Variants in OGFOD3 observed in about 807,000 individuals in gnomAD.
OGFOD3 encodes 2-oxoglutarate and iron dependent oxygenase domain containing 3.
A neutral mutation model predicts 39.8 loss-of-function variants in OGFOD3; 35 were observed. That is an observed-to-expected ratio of 0.88 (90% CI 0.67 to 1.17). OGFOD3 has a LOEUF of 1.17. OGFOD3 is among the 50% of genes most tolerant of loss of function. OGFOD3 has a pLI of 0.00. For synonymous variants in OGFOD3, 200 were observed against 192.0 expected (o/e 1.04, Z -0.34); for missense variants, 438 against 454.5 (o/e 0.96, Z 0.33).
intron 3 of OGFOD3, among the ~76,000 whole-genome samples, chr17:82,409,678 C>T (rs112897798): frequency 1.8e-4 from 27 of 152,244 alleles, no homozygotes; most frequent in African/African-American, 5.8e-4. Context: ...GGGTGGATCA[C>T]GAGGTCAGGA....
chr17:82,392,316 G>C lies in OGFOD3; in HGVS notation c.*82C>G. The C allele has an allele frequency of 6.9e-7, 1 of 1,443,956 alleles. No individual in the cohort carries two copies. The highest frequency in any genetic ancestry group is 9.4e-7 in the Non-Finnish European group (1 of 1,058,432). 89.4% of individuals were successfully genotyped at this position (1,443,956 alleles called of 1,614,324 possible). ...CTAAGGCACTCTGTGCAACAGGAGC[G>C]GGTGGACGTGGGGGTGGGTGCACGA... On this transcript the variant is annotated 3_prime_UTR_variant, in exon 9 of 9. Coordinates refer to ENST00000313056, the MANE Select transcript of OGFOD3 (RefSeq NM_024648.3). The surrounding 1 kb of genome is among the most constrained non-coding windows in gnomAD (Gnocchi z 4.2).
intron 2 of OGFOD3, among the ~76,000 whole-genome samples, chr17:82,414,914 T>C (rs2053008219): frequency 2.0e-5 from 3 of 152,132 alleles, no homozygotes; most frequent in Admixed American, 6.6e-5. Flanking sequence ...TCCAAGGTGC[T>C]GAACCCCGGC....
At chr17:82,399,561 C>T (rs1191136696) in intron 7 of OGFOD3, among the ~76,000 whole-genome samples, 3 of 152,194 alleles carry the variant, frequency 2.0e-5, no homozygotes, top group South Asian at 2.1e-4. Context: ...GCCACCGCAC[C>T]GTCCTCTCCA....
chr17:82,398,128 G>T, intron 8 of OGFOD3, 68 bp downstream of exon 8: 1 of 1,589,242 alleles, frequency 6.3e-7, no homozygotes, highest in Non-Finnish European at 8.6e-7. Flanking sequence ...CCAGGGACAC[G>T]CCCCCCACAC....
rs748641988 is a variant in OGFOD3, at chr17:82,404,142, C to A, written c.546-52G>T. On this transcript the variant is annotated intron_variant, in intron 6 of 8. Coordinates refer to ENST00000313056, the MANE Select transcript of OGFOD3 (RefSeq NM_024648.3). The surrounding 1 kb of genome is among the most constrained non-coding windows in gnomAD (Gnocchi z 4.5). Reference sequence around the variant, plus strand: ...GCAGCCCCAGGCGGGAGGGGACGCTCGTGGGTCCCAACCCGTGGGTGGCAG... The same window carrying A: ...GCAGCCCCAGGCGGGAGGGGACGCTAGTGGGTCCCAACCCGTGGGTGGCAG... 5.8e-5 allele frequency: 88 copies of A among 1,508,748 alleles called. No individual in the cohort carries two copies. The East Asian group carries it at 2.0e-3, about 35-fold the overall frequency. The allele number at this position is 1,508,748 out of a possible 1,614,324, so 93.5% of individuals were successfully genotyped here. A position where few individuals can be genotyped will look rare whatever the true frequency, so the allele number is the denominator to read the frequency against.
intron 8 of OGFOD3, among the ~76,000 whole-genome samples, chr17:82,397,787 G>A (rs1054118622): frequency 6.6e-6 from 1 of 152,126 alleles, no homozygotes; most frequent in Non-Finnish European, 1.5e-5. Context: ...CCAGCGAGGA[G>A]GGCACTAGGT....
chr17:82,403,021 CTGCACT>C (rs982702078), intron 7 of OGFOD3, among the ~76,000 whole-genome samples: 4 of 150,858 alleles, frequency 2.7e-5, no homozygotes, highest in Admixed American at 1.3e-4. Context: ...GACTGCACAC[CTGCACT>C]CCAGCCTGGG....
At chr17:82,416,031 C>G (rs1254159289) in intron 1 of OGFOD3, among the ~76,000 whole-genome samples, 1 of 151,454 alleles carries the variant, frequency 6.6e-6, no homozygotes, top group Admixed American at 6.6e-5. Flanking sequence ...GGTATCGAGA[C>G]GAGCCTGACC....
intron 4 of OGFOD3, among the ~76,000 whole-genome samples, chr17:82,407,379 A>G (rs1230468285): frequency 1.3e-5 from 2 of 152,190 alleles, no homozygotes; most frequent in Admixed American, 1.3e-4. Context: ...GCTCCGTGCC[A>G]GTCACAGTCA....
At chr17:82,395,961 C>A (rs561599326) in intron 8 of OGFOD3, among the ~76,000 whole-genome samples, 21 of 151,110 alleles carry the variant, frequency 1.4e-4, no homozygotes, top group African/African-American at 4.6e-4. Context: ...CAGATACACA[C>A]AATTAGACAG....
At chr17:82,417,846 A>G (rs1352490100) in intron 1 of OGFOD3, among the ~76,000 whole-genome samples, 3 of 152,146 alleles carry the variant, frequency 2.0e-5, no homozygotes, top group Non-Finnish European at 4.4e-5. Flanking sequence ...GCACTCCCCA[A>G]AAGAGCAAAA....
At chr17:82,405,291 C>T (rs774166947) in intron 6 of OGFOD3, 33 bp downstream of exon 6, 51 of 1,605,346 alleles carry the variant, frequency 3.2e-5, no homozygotes, top group Non-Finnish European at 4.0e-5. Context: ...GCCACCCCGC[C>T]TGCGAACCCC....
chr17:82,401,656 T>C (rs568185104), intron 7 of OGFOD3, among the ~76,000 whole-genome samples: 178 of 150,904 alleles, frequency 1.2e-3, no homozygotes, highest in Admixed American at 1.9e-3. Flanking sequence ...ATACAAAAAT[T>C]AGCCGGCCGC....
At chr17:82,405,518 G>A in intron 5 of OGFOD3, 138 bp from the exon 6 acceptor site, 1 of 759,092 alleles carries the variant, frequency 1.3e-6, no homozygotes, top group Non-Finnish European at 2.3e-6. Flanking sequence ...AATGATAACT[G>A]CTATAAAGGA....
chr17:82,394,286 G>A (rs1567864421), intron 8 of OGFOD3: 20 of 1,475,918 alleles, frequency 1.4e-5, no homozygotes, highest in South Asian at 4.1e-5. Flanking sequence ...CACCACGCCC[G>A]GCCTAAGATG....
chr17:82,408,327 C>G (rs2052888084), intron 4 of OGFOD3, among the ~76,000 whole-genome samples: 2 of 152,150 alleles, frequency 1.3e-5, no homozygotes, highest in African/African-American at 4.8e-5. Context: ...TCAAAGCGAT[C>G]ACCAAATAAA....
chr17:82,402,603 C>T (rs939703477), intron 7 of OGFOD3, among the ~76,000 whole-genome samples: 2 of 150,132 alleles, frequency 1.3e-5, no homozygotes, highest in Non-Finnish European at 3.0e-5. Context: ...AAAAATTAGC[C>T]GAGCGTGGTG....
chr17:82,394,431 G>A, intron 8 of OGFOD3: 1 of 1,613,634 alleles, frequency 6.2e-7, no homozygotes, highest in Non-Finnish European at 8.5e-7. Flanking sequence ...TCTCGGGCGG[G>A]TGGTGAGTCC....
chr17:82,414,525 G>A (rs2053001970), intron 2 of OGFOD3, among the ~76,000 whole-genome samples: 1 of 152,202 alleles, frequency 6.6e-6, no homozygotes, highest in Admixed American at 6.5e-5. Context: ...GTTTTGGAAA[G>A]CTGGGATGTT....
Sources: allele counts gnomAD v4.1 joint callset (sites outside exome capture counted in the v4.1 genomes callset), GRCh38; gene constraint gnomAD v4.1.1; non-coding constraint Gnocchi (gnomAD v3.1); transcripts MANE v1.5; gene names NCBI Gene and HGNC (gene_info 2026-07-23, HGNC 2026-07-21).